TUBA4B: variants seen among roughly 807,000 people sequenced by gnomAD.
TUBA4B encodes the protein tubulin-like protein alpha-4B.
Under a neutral mutation model 18.4 loss-of-function variants are expected in TUBA4B, and 13 were observed. The observed-to-expected ratio is 0.71, with a 90% confidence interval of 0.46 to 1.12. TUBA4B has a LOEUF of 1.12. Among genes scored for constraint, TUBA4B ranks in the 50% most tolerant of loss-of-function variants. The probability of loss-of-function intolerance (pLI) is 0.00; values close to 1 mark genes in which losing one functional copy is unlikely to be tolerated. For synonymous variants in TUBA4B, 101 were observed against 99.1 expected (o/e 1.02, Z -0.11); for missense variants, 244 against 250.0 (o/e 0.98, Z 0.16).
intron 1 of TUBA4B, among the ~76,000 whole-genome samples, chr2:219,258,877 G>C (rs1339753764): frequency 6.6e-6 from 1 of 151,908 alleles, no homozygotes; most frequent in African/African-American, 2.4e-5. Flanking sequence ...AACTTCATAC[G>C]ATCAGCCCAC....
At chr2:219,257,842 C>A (rs1951731762) in intron 1 of TUBA4B, among the ~76,000 whole-genome samples, 2 of 150,332 alleles carry the variant, frequency 1.3e-5, no homozygotes, top group South Asian at 2.1e-4. Flanking sequence ...TATACACACA[C>A]TATATATATA....
chr2:219,256,346 TC>T (rs1484938476), intron 1 of TUBA4B, among the ~76,000 whole-genome samples: 1 of 152,236 alleles, frequency 6.6e-6, no homozygotes, highest in Non-Finnish European at 1.5e-5. Flanking sequence ...TACATGTCCA[TC>T]TTAATATTAT....
chr2:219,269,678 C>T (rs1437379758), intron 2 of TUBA4B, among the ~76,000 whole-genome samples: 2 of 152,188 alleles, frequency 1.3e-5, no homozygotes, highest in African/African-American at 4.8e-5. Context: ...GTTGGCAATG[C>T]CTGCTGGGAG....
At chr2:219,258,753 G>C (rs1005968890) in intron 1 of TUBA4B, among the ~76,000 whole-genome samples, 20 of 152,148 alleles carry the variant, frequency 1.3e-4, no homozygotes, top group Admixed American at 2.6e-4. Flanking sequence ...GACAACAATA[G>C]AGGTATGTGG....
chr2:219,256,737 C>T (rs910159359), intron 1 of TUBA4B, among the ~76,000 whole-genome samples: 4 of 152,104 alleles, frequency 2.6e-5, no homozygotes, highest in African/African-American at 9.7e-5. Context: ...CCAGTAATCC[C>T]AACACTTTAG....
chr2:219,260,930 T>C (rs1951756025), intron 1 of TUBA4B, among the ~76,000 whole-genome samples: 1 of 151,740 alleles, frequency 6.6e-6, no homozygotes, highest in African/African-American at 2.4e-5. Context: ...GATCGCACCA[T>C]CGCACTCCAG....
chr2:219,268,067 A>C (rs969701383), intron 2 of TUBA4B, among the ~76,000 whole-genome samples: 2 of 140,738 alleles, frequency 1.4e-5, no homozygotes, highest in African/African-American at 5.3e-5. Flanking sequence ...TGGACCTGGG[A>C]TTTCTCCTGT....
At chr2:219,259,384 ATTGTGTGTGTGTGTGT>A (rs1265687472) in intron 1 of TUBA4B, among the ~76,000 whole-genome samples, 1 of 148,336 alleles carries the variant, frequency 6.7e-6, no homozygotes, top group African/African-American at 2.5e-5. Flanking sequence ...TCTGCTTCTG[ATTGTGTGTGTGTGTGT>A]TTGTGTGTGT....
In TUBA4B at chr2:219,272,129, AG is replaced by A; in HGVS notation, c.*436del. 1 of 682,606 alleles carries A rather than the reference AG, an allele frequency of 1.5e-6. No homozygotes were observed. Among genetic ancestry groups the A allele is most frequent in the Non-Finnish European group, 2.5e-6 (1 of 395,712 alleles). The allele number at this position is 682,606 out of a possible 1,614,324, so 42.3% of individuals were successfully genotyped here. On this transcript the variant is annotated 3_prime_UTR_variant, in exon 4 of 4. Coordinates refer to ENST00000490341, the MANE Select transcript of TUBA4B (RefSeq NM_001355221.1). Reference sequence around the variant, plus strand: ...GTGTGGAGTGGGGGGAAGAAAAGATAGGGGGGATGAATACTAGGGGAATACT... The same window carrying A: ...GTGTGGAGTGGGGGGAAGAAAAGATAGGGGGATGAATACTAGGGGAATACT...
chr2:219,261,667 G>A (rs547131198), intron 1 of TUBA4B, among the ~76,000 whole-genome samples: 3 of 152,238 alleles, frequency 2.0e-5, no homozygotes, highest in Admixed American at 6.5e-5. Flanking sequence ...CTACCATCCC[G>A]TTATTCCTAG....
In TUBA4B at chr2:219,271,832, C is replaced by T; in HGVS notation, c.*133C>T. Reference sequence around the variant, plus strand: ...AGCATTCAGTTTGTGGACTGGTGCCCCACAGGCTTTAAGGTTGATATCAAT... The same window carrying T: ...AGCATTCAGTTTGTGGACTGGTGCCTCACAGGCTTTAAGGTTGATATCAAT... On this transcript the variant is annotated 3_prime_UTR_variant, in exon 4 of 4. Coordinates refer to ENST00000490341, the MANE Select transcript of TUBA4B (RefSeq NM_001355221.1). 1 of 1,573,604 alleles carries T rather than the reference C, an allele frequency of 6.4e-7. No individual in the cohort carries two copies. Among genetic ancestry groups the T allele is most frequent in the Non-Finnish European group, 8.7e-7 (1 of 1,143,180 alleles).
chr2:219,257,361 T>TTTTAGGCAGGATCTTG (rs1951727876), intron 1 of TUBA4B, among the ~76,000 whole-genome samples: 1 of 142,052 alleles, frequency 7.0e-6, no homozygotes, highest in Non-Finnish European at 1.5e-5. Context: ...TTTTTTTTTT[T>TTTTAGGCAGGATCTTG]GAGGCAGGAT....
chr2:219,253,258 C>A lies in TUBA4B; in HGVS notation c.-150C>A. The A allele has an allele frequency of 6.7e-7, 1 of 1,492,698 alleles. No homozygotes were observed. Among genetic ancestry groups the A allele is most frequent in the East Asian group, 2.5e-5 (1 of 40,496 alleles). The allele number at this position is 1,492,698 out of a possible 1,614,324, so 92.5% of individuals were successfully genotyped here. ...AGCGCCAGCTGTCTCTGCCCATCCG[C>A]GCACCCGGGCTTCGGCTGGAGAGGG... On this transcript the variant is annotated 5_prime_UTR_variant, in exon 1 of 4. Transcript: ENST00000490341.
intron 1 of TUBA4B, among the ~76,000 whole-genome samples, chr2:219,261,315 G>A (rs1238427895): frequency 6.6e-6 from 1 of 152,140 alleles, no homozygotes; most frequent in Non-Finnish European, 1.5e-5. Context: ...GCAGGAAATG[G>A]GGGGCTTCCT....
At position 219,271,999 on chromosome 2, in the gene TUBA4B, T is replaced by C. The variant is rs1371667995; in HGVS notation, c.*300T>C. 4.6e-6 allele frequency: 7 copies of C among 1,522,792 alleles called. No homozygotes were observed. In the Admixed American group the frequency reaches 8.4e-5, roughly 18 times the overall value. 94.3% of individuals were successfully genotyped at this position (1,522,792 alleles called of 1,614,324 possible). On this transcript the variant is annotated 3_prime_UTR_variant, in exon 4 of 4. Transcript: ENST00000490341. ...GACCTGATGTATGCCAAGAGGGCGT[T>C]TGGGCACTGATATGTGGGTGAGGGC... is the stretch of plus-strand genomic sequence containing the variant.
Position 219,272,123 on chromosome 2 carries a change from A to C in TUBA4B, c.*424A>C. On this transcript the variant is annotated 3_prime_UTR_variant, in exon 4 of 4. Transcript: ENST00000490341. ...TGGATAGTGTGGAGTGGGGGGAAGAAAAGATAGGGGGGATGAATACTAGGG... is the reference window on the plus strand; with the variant it reads ...TGGATAGTGTGGAGTGGGGGGAAGACAAGATAGGGGGGATGAATACTAGGG... The C allele has an allele frequency of 1.4e-6, 1 of 731,568 alleles. No homozygotes were observed. Among genetic ancestry groups the C allele is most frequent in the East Asian group, 4.5e-5 (1 of 22,452 alleles). The allele number at this position is 731,568 out of a possible 1,614,324, so 45.3% of individuals were successfully genotyped here.
intron 1 of TUBA4B, among the ~76,000 whole-genome samples, chr2:219,261,212 G>A (rs552497402): frequency 1.9e-4 from 29 of 152,172 alleles, no homozygotes; most frequent in African/African-American, 4.3e-4. Context: ...AGCTTTCTGC[G>A]CTGTCATCCT....
intron 1 of TUBA4B, 71 bp from the exon 2 acceptor site, chr2:219,266,436 TGAGAGCCACCCAGC>T (rs1024570811): frequency 1.5e-6 from 1 of 654,454 alleles, no homozygotes; most frequent in African/African-American, 1.8e-5. Flanking sequence ...ATCCACCTGC[TGAGAGCCACCCAGC>T]GAGTATAAGG....
Position 219,271,177 on chromosome 2 carries a change from C to T in TUBA4B, c.204C>T (p.Cys68=), listed in dbSNP as rs1205084962. 2.1e-6 allele frequency: 2 copies of T among 968,370 alleles called. No homozygotes were observed. The highest frequency in any genetic ancestry group is 3.4e-6 in the Non-Finnish European group (2 of 594,466). 60.0% of individuals were successfully genotyped at this position (968,370 alleles called of 1,614,324 possible). Residue 68 remains cysteine, a synonymous_variant, in exon 4 of 4, where the codon TGC becomes TGT. Transcript: ENST00000490341. ...LDRIRKLADQ[C]TGLQGFLVFH... ...CCTTCCCTGTCTAGGCTGACCAGTG[C>T]ACAGGACTTCAGGGCTTCCTGGTGT...
Sources: allele counts gnomAD v4.1 joint callset (sites outside exome capture counted in the v4.1 genomes callset), GRCh38; gene constraint gnomAD v4.1.1; transcripts MANE v1.5; gene names NCBI Gene and HGNC (gene_info 2026-07-23, HGNC 2026-07-21).